EIF4G3: variants seen among roughly 807,000 people sequenced by gnomAD.
EIF4G3 encodes eukaryotic translation initiation factor 4 gamma 3.
In EIF4G3, 34 loss-of-function variants were observed where a neutral mutation model predicts 186.4. The observed-to-expected ratio is 0.18, with a 90% CI of 0.14 to 0.24. EIF4G3 has a LOEUF of 0.24. Ranked by LOEUF, EIF4G3 falls within the 10% of genes least tolerant of loss-of-function variation. The pLI, the probability that EIF4G3 is intolerant of heterozygous loss-of-function variation, is 1.00. For missense variants in EIF4G3, 1,536 were observed against 1,948.5 expected (o/e 0.79, Z 3.99); for synonymous variants, 673 against 679.5 (o/e 0.99, Z 0.15).
chr1:20,998,875 T>C lies in EIF4G3; in HGVS notation c.145-1242A>G, dbSNP rs543449610. On this transcript the variant is annotated intron_variant, in intron 6 of 36. Coordinates refer to ENST00000602326, the MANE Select transcript of EIF4G3 (RefSeq NM_001391906.1). Reference sequence around the variant, plus strand: ...CTAATATATTTAAGGAGCAAAAATATATGTCTTTGGCTCTCTTATTTCCTC... The same window carrying C: ...CTAATATATTTAAGGAGCAAAAATACATGTCTTTGGCTCTCTTATTTCCTC... 23 of 417,072 alleles carry C rather than the reference T, an allele frequency of 5.5e-5. No homozygotes were observed. The East Asian group carries it at 7.2e-4, about 13-fold the overall frequency. The allele number at this position is 417,072 out of a possible 1,614,324, so 25.8% of individuals were successfully genotyped here.
intron 22 of EIF4G3, among the ~76,000 whole-genome samples, chr1:20,862,626 T>G (rs373212018): frequency 1.3e-5 from 2 of 152,298 alleles, no homozygotes; most frequent in African/African-American, 4.8e-5. Context: ...TTGCTCAGGC[T>G]GGTCTTGAAC....
At chr1:20,835,448 A>G (rs2066467161) in intron 30 of EIF4G3, among the ~76,000 whole-genome samples, 1 of 152,138 alleles carries the variant, frequency 6.6e-6, no homozygotes, top group South Asian at 2.1e-4. Context: ...TCGGAGTTGT[A>G]TTTTTGGAAA....
intron 4 of EIF4G3, among the ~76,000 whole-genome samples, chr1:21,046,628 A>G (rs1174687145): frequency 6.6e-6 from 1 of 152,248 alleles, no homozygotes; most frequent in East Asian, 1.9e-4. Context: ...GAAGAAGGGG[A>G]GACTGTCACA....
rs556746319 is a variant in EIF4G3, at chr1:21,031,413, G to A, written c.-67+19453C>T. ...AAAAAAAAAAAAAAAGAGGGAGAGA[G>A]AGCTGTTTATGCATTTTCGGCACAA... On this transcript the variant is annotated intron_variant, in intron 4 of 36. Transcript: ENST00000602326. Among the ~76,000 whole-genome samples, 184 of 150,300 alleles carry A rather than the reference G, an allele frequency of 1.2e-3. 1 individual carries two copies. The highest frequency in any genetic ancestry group is 4.2e-3 in the African/African-American group (173 of 40,948).
chr1:21,166,049 G>C, intron 2 of EIF4G3, among the ~76,000 whole-genome samples: 1 of 149,730 alleles, frequency 6.7e-6, no homozygotes, highest in African/African-American at 2.5e-5. Flanking sequence ...TGTTCATATT[G>C]ATCACCCACT....
intron 3 of EIF4G3, among the ~76,000 whole-genome samples, chr1:21,067,257 C>T (rs865897418): frequency 1.3e-5 from 2 of 151,502 alleles, no homozygotes; most frequent in Non-Finnish European, 2.9e-5. Flanking sequence ...CTCAGCCTCC[C>T]GAACAGCTGG....
At chr1:20,973,322 AT>A (rs1187543859) in intron 10 of EIF4G3, among the ~76,000 whole-genome samples, 5 of 152,368 alleles carry the variant, frequency 3.3e-5, no homozygotes, top group Admixed American at 2.0e-4. Context: ...AACATCCAAT[AT>A]GAAAACCACT....
intron 11 of EIF4G3, among the ~76,000 whole-genome samples, chr1:20,970,859 G>A (rs573896317): frequency 1.3e-5 from 2 of 152,102 alleles, no homozygotes; most frequent in South Asian, 4.2e-4. Context: ...AGCTACTTGG[G>A]AGATTGAGGC....
intron 4 of EIF4G3, among the ~76,000 whole-genome samples, chr1:21,018,231 C>T (rs974660385): frequency 1.3e-5 from 2 of 152,112 alleles, no homozygotes; most frequent in Non-Finnish European, 2.9e-5. Flanking sequence ...CAGGTATGGG[C>T]CAATGTGCCC....
At chr1:21,052,929 T>C (rs1188131025) in intron 3 of EIF4G3, among the ~76,000 whole-genome samples, 1 of 152,184 alleles carries the variant, frequency 6.6e-6, no homozygotes, top group Non-Finnish European at 1.5e-5. Context: ...CTCGGCTCGC[T>C]ACAACCTCCA....
In EIF4G3 at chr1:21,129,363, T is replaced by G. The variant is rs577051135; in HGVS notation, c.-271-40150A>C. Among the ~76,000 whole-genome samples, 5 of 151,544 alleles carry G rather than the reference T, an allele frequency of 3.3e-5. No individual in the cohort carries two copies. The South Asian group carries it at 1.0e-3, about 32-fold the overall frequency. ...GTTTAATAAATTCCTCAAAGTTAAG[T>G]GTGGACTGGCATATCAGTTTCCGAA... On this transcript the variant is annotated intron_variant, in intron 2 of 36. Transcript: ENST00000602326.
chr1:21,132,695 C>T (rs2097175138), intron 2 of EIF4G3, among the ~76,000 whole-genome samples: 1 of 152,088 alleles, frequency 6.6e-6, no homozygotes, highest in African/African-American at 2.4e-5. Flanking sequence ...TCATCTCAGC[C>T]TCCCAAAATG....
In EIF4G3 at chr1:20,983,758, T is replaced by C. The variant is rs141925424; in HGVS notation, c.178-1350A>G. ...AAAGGGCGTATCAAATGAACACAGG[T>C]GATCATCTATTATGGTAACACTATC... On this transcript the variant is annotated intron_variant, in intron 7 of 36. Transcript: ENST00000602326. Among the ~76,000 whole-genome samples the C allele has an allele frequency of 3.9e-3, 593 of 152,262 alleles. 5 individuals carry two copies. Among genetic ancestry groups the C allele is most frequent in the African/African-American group, 0.014 (570 of 41,554 alleles).
intron 4 of EIF4G3, among the ~76,000 whole-genome samples, chr1:21,022,665 A>C (rs549369734): frequency 2.6e-5 from 4 of 152,292 alleles, no homozygotes; most frequent in Non-Finnish European, 5.9e-5. Context: ...CCCAACCCAC[A>C]CACCAAGTTC....
intron 4 of EIF4G3, among the ~76,000 whole-genome samples, chr1:21,020,976 C>A (rs902146537): frequency 6.9e-6 from 1 of 145,040 alleles, no homozygotes; most frequent in South Asian, 2.2e-4. Context: ...GCATTTATTT[C>A]TTATTTATGT....
rs190937852 is a variant in EIF4G3, at chr1:21,114,739, A to G, written c.-271-25526T>C. Reference sequence around the variant, plus strand: ...TAAAAAAAATTTTTTTTGCTGTTTCATCAAAGATATTAAGTGAAAAGTAAA... The same window carrying G: ...TAAAAAAAATTTTTTTTGCTGTTTCGTCAAAGATATTAAGTGAAAAGTAAA... On this transcript the variant is annotated intron_variant, in intron 2 of 36. Transcript: ENST00000602326. Among the ~76,000 whole-genome samples, 66 of 152,346 alleles carry G rather than the reference A, an allele frequency of 4.3e-4. 1 individual carries two copies. Among genetic ancestry groups the G allele is most frequent in the African/African-American group, 1.4e-3 (57 of 41,590 alleles).
chr1:20,843,390 G>A (rs546337918), intron 29 of EIF4G3, among the ~76,000 whole-genome samples: 34 of 151,996 alleles, frequency 2.2e-4, no homozygotes, highest in Middle Eastern at 3.4e-3. Flanking sequence ...AGTGGCACAC[G>A]CCTGTAATCT....
Position 20,853,616 on chromosome 1 carries a change from G to A in EIF4G3, c.3495C>T (p.Pro1165=), listed in dbSNP as rs139591429. 5 of 1,614,032 alleles carry A rather than the reference G, an allele frequency of 3.1e-6. No homozygotes were observed. ...CAGGCGTGGATGGCGTGGACCCTGA[G>A]GGTGCTGGAGGTTGCAGGGCAGAGA... ...NRFSALQPPA[P]SGSTPSTPVE... The change falls in exon 27 of 37, where the codon CCC becomes CCT. Residue 1165 remains proline (P), a synonymous_variant. Transcript: ENST00000602326.
intron 20 of EIF4G3, among the ~76,000 whole-genome samples, chr1:20,871,764 A>G (rs1421653839): frequency 1.3e-5 from 2 of 152,118 alleles, no homozygotes; most frequent in Non-Finnish European, 2.9e-5. Context: ...TTTGGGCAAC[A>G]CTGGCCCGTG....
Sources: allele counts gnomAD v4.1 joint callset (sites outside exome capture counted in the v4.1 genomes callset), GRCh38; gene constraint gnomAD v4.1.1; transcripts MANE v1.5; gene names NCBI Gene and HGNC (gene_info 2026-07-23, HGNC 2026-07-21).